Variants in RAB38 observed in about 807,000 individuals in gnomAD.
The protein encoded by RAB38 is RAB38, member RAS oncogene family.
Under a neutral mutation model 18.4 loss-of-function variants are expected in RAB38, and 15 were observed. The observed-to-expected ratio is 0.82, with a 90% CI of 0.55 to 1.26. RAB38 has a LOEUF of 1.26. RAB38 is among the 50% of genes most tolerant of loss of function. The probability of loss-of-function intolerance (pLI) is 0.00; values close to 1 mark genes in which losing one functional copy is unlikely to be tolerated. For missense variants in RAB38, 294 were observed against 267.4 expected, an observed-to-expected ratio of 1.10 and a Z score of -0.69; for synonymous variants, 101 against 104.4, an observed-to-expected ratio of 0.97 and a Z score of 0.20.
At chr11:88,010,143 T>A in the RAB38 span, among the ~76,000 whole-genome samples, 2 of 152,210 alleles carry the variant, frequency 1.3e-5, no homozygotes, top group Non-Finnish European at 2.9e-5. Flanking sequence ...GAGTTTTGAA[T>A]TTTGGTGCAG....
the RAB38 span, among the ~76,000 whole-genome samples, chr11:87,905,305 T>C: frequency 6.6e-6 from 1 of 151,790 alleles, no homozygotes; most frequent in Non-Finnish European, 1.5e-5. Context: ...ATATTTATAA[T>C]AGCTATTTTG....
intron 1 of RAB38, chr11:88,165,790 T>G (rs1469257907): frequency 1.3e-5 from 2 of 152,144 alleles, no homozygotes; most frequent in Admixed American, 1.3e-4. Flanking sequence ...TTTCTTCTTC[T>G]CTACTTCTTT....
At chr11:87,844,294 C>T in the RAB38 span, among the ~76,000 whole-genome samples, 2 of 152,068 alleles carry the variant, frequency 1.3e-5, no homozygotes, top group African/African-American at 2.4e-5. Context: ...TTTGTTTAAC[C>T]CACGAGAATG....
the RAB38 span, among the ~76,000 whole-genome samples, chr11:87,956,219 T>C: frequency 6.6e-6 from 1 of 152,190 alleles, no homozygotes; most frequent in Admixed American, 6.5e-5. Context: ...TAAAGGACTA[T>C]TATGAAGAAT....
chr11:87,803,875 G>T, the RAB38 span, among the ~76,000 whole-genome samples: 2 of 152,202 alleles, frequency 1.3e-5, no homozygotes, highest in Non-Finnish European at 2.9e-5. Flanking sequence ...AATTCCGTTA[G>T]GCCCCAAGGC....
At chr11:88,163,097 T>C (rs1279331645) in intron 1 of RAB38, among the ~76,000 whole-genome samples, 2 of 152,150 alleles carry the variant, frequency 1.3e-5, no homozygotes, top group Non-Finnish European at 2.9e-5. Context: ...CCCTGCCTTG[T>C]ACTGCTTTTT....
At chr11:87,966,589 A>C in the RAB38 span, among the ~76,000 whole-genome samples, 1 of 152,182 alleles carries the variant, frequency 6.6e-6, no homozygotes, top group Non-Finnish European at 1.5e-5. Context: ...CCCATATAGT[A>C]AATCAATAAT....
chr11:87,830,730 TA>T, the RAB38 span, among the ~76,000 whole-genome samples: 1 of 152,220 alleles, frequency 6.6e-6, no homozygotes, highest in East Asian at 1.9e-4. Context: ...ATATCAAATA[TA>T]TTAGATATTA....
the RAB38 span, among the ~76,000 whole-genome samples, chr11:88,079,092 A>T: frequency 2.6e-5 from 4 of 151,858 alleles, no homozygotes; most frequent in African/African-American, 9.7e-5. Flanking sequence ...GAATTAATCA[A>T]GATAAAAATT....
chr11:87,930,146 T>C, the RAB38 span, among the ~76,000 whole-genome samples: 5 of 152,072 alleles, frequency 3.3e-5, no homozygotes, highest in East Asian at 9.6e-4. Flanking sequence ...CCACACTGAC[T>C]TCCACAATGG....
At chr11:88,011,522 G>C in the RAB38 span, among the ~76,000 whole-genome samples, 1 of 152,112 alleles carries the variant, frequency 6.6e-6, no homozygotes, top group African/African-American at 2.4e-5. Context: ...CTGATACAAA[G>C]CCATGTGCTC....
chr11:88,026,440 G>A, the RAB38 span, among the ~76,000 whole-genome samples: 2 of 151,444 alleles, frequency 1.3e-5, no homozygotes, highest in Non-Finnish European at 2.9e-5. Context: ...GAGGGCACCT[G>A]TAATCCCACC....
chr11:87,886,300 A>G, the RAB38 span, among the ~76,000 whole-genome samples: 1 of 150,480 alleles, frequency 6.6e-6, no homozygotes. Context: ...AGGGGGAAAA[A>G]ACGGACTATG....
At chr11:87,937,559 T>C in the RAB38 span, among the ~76,000 whole-genome samples, 6 of 151,612 alleles carry the variant, frequency 4.0e-5, no homozygotes, top group Non-Finnish European at 7.4e-5. Context: ...AACCATCTGG[T>C]CCTGGAGATA....
the RAB38 span, among the ~76,000 whole-genome samples, chr11:87,855,621 C>T: frequency 1.3e-5 from 2 of 152,052 alleles, no homozygotes; most frequent in African/African-American, 2.4e-5. Context: ...AATAATGTTT[C>T]ATAATTATTT....
chr11:87,880,746 C>A, the RAB38 span, among the ~76,000 whole-genome samples: 152 of 151,904 alleles, frequency 1.0e-3, no homozygotes, highest in African/African-American at 3.5e-3. Context: ...TCTGTTTAAT[C>A]ATTTAATGGC....
At chr11:88,029,795 C>A in the RAB38 span, among the ~76,000 whole-genome samples, 1 of 151,918 alleles carries the variant, frequency 6.6e-6, no homozygotes, top group Non-Finnish European at 1.5e-5. Flanking sequence ...ACTTTAACAC[C>A]CCACTGTCAA....
the RAB38 span, among the ~76,000 whole-genome samples, chr11:88,012,000 T>G: frequency 8.7e-4 from 132 of 152,284 alleles, no homozygotes; most frequent in Non-Finnish European, 1.6e-3. Context: ...CTATATCCCT[T>G]CCTTAAGTTG....
the RAB38 span, among the ~76,000 whole-genome samples, chr11:87,806,382 T>G: frequency 1.4e-4 from 21 of 152,240 alleles, no homozygotes; most frequent in East Asian, 3.9e-3. Context: ...CACATCCTCA[T>G]ACGATGAAAG....
Sources: gnomAD v4.1 joint callset for allele counts (sites outside exome capture counted in the v4.1 genomes callset) on GRCh38, gnomAD v4.1.1 for gene constraint, MANE v1.5 for transcripts, NCBI Gene and HGNC (gene_info 2026-07-23, HGNC 2026-07-21) for gene names.